Variants in ELF1 observed in about 807,000 individuals in gnomAD.
ELF1 encodes ETS-related transcription factor Elf-1.
Under a neutral mutation model 59.9 loss-of-function variants are expected in ELF1, and 24 were observed. That is an observed-to-expected ratio of 0.40 (90% CI 0.29 to 0.56). ELF1 has a LOEUF of 0.56. Ranked by LOEUF, ELF1 falls within the 20% of genes least tolerant of loss-of-function variation. ELF1 has a pLI of 0.44. For missense variants in ELF1, 627 were observed against 742.2 expected (o/e 0.84, Z 1.80); for synonymous variants, 248 against 266.2 (o/e 0.93, Z 0.67).
intron 1 of ELF1, among the ~76,000 whole-genome samples, chr13:41,005,834 A>T (rs967041188): frequency 6.8e-6 from 1 of 147,578 alleles, no homozygotes; most frequent in Non-Finnish European, 1.5e-5. Context: ...AATCCTTAAG[A>T]ATGAATTCAA....
chr13:40,954,385 A>C (rs1267767119), intron 3 of ELF1, among the ~76,000 whole-genome samples: 5 of 144,414 alleles, frequency 3.5e-5, no homozygotes, highest in Non-Finnish European at 4.6e-5. Context: ...ACAGTGAATG[A>C]GTTCTCATGA....
At position 41,035,727 on chromosome 13, in the gene ELF1, G is replaced by GA. The variant is rs11366083; in HGVS notation, c.-229+25110dup. Among the ~76,000 whole-genome samples the GA allele has an allele frequency of 4.8e-3, 480 of 99,978 alleles. 7 individuals carry two copies. In the East Asian group the frequency reaches 0.074, roughly 15 times the overall value. 65.6% of individuals were successfully genotyped at this position (99,978 alleles called of 152,430 possible). On this transcript the variant is annotated intron_variant, in intron 1 of 1. Coordinates refer to the ELF1 transcript ENST00000405737. ...ACAGAGATGAGGAAAAGAACAAAAA[G>GA]AAAAAAAAAAAAAAAGGAAAACTCC...
intron 3 of ELF1, among the ~76,000 whole-genome samples, chr13:40,956,190 A>T (rs1266670190): frequency 6.6e-6 from 1 of 151,036 alleles, no homozygotes; most frequent in East Asian, 2.0e-4. Flanking sequence ...GTGTAGAAAG[A>T]GGTAGACGTG....
chr13:41,037,108 T>A (rs903184675), intron 1 of ELF1, among the ~76,000 whole-genome samples: 1 of 150,410 alleles, frequency 6.6e-6, no homozygotes, highest in Non-Finnish European at 1.5e-5. Flanking sequence ...TATAATAAAA[T>A]ATATATATAT....
chr13:41,061,233 A>AGGC, exon 1 of ELF1: 1 of 233,808 alleles, frequency 4.3e-6, no homozygotes, highest in South Asian at 5.7e-5. Context: ...TTCCGGGCGG[A>AGGC]GGCGGCGCGC....
rs371209025 is a variant in ELF1 at position 41,015,918 on chromosome 13, G to C, written c.-229+3310C>G. ...TGGTACTTTGTCAAAGGTTGAAAAA[G>C]ACAGAAAAACAGAATAAAACCTTTC... On this transcript the variant is annotated intron_variant, in intron 1 of 8. Transcript: ENST00000239882. 7.9e-4 allele frequency among the ~76,000 whole-genome samples: 117 copies of C among 147,700 alleles called. 2 individuals are homozygous for C. In the South Asian group the frequency reaches 0.025, roughly 32 times the overall value.
chr13:40,933,162 T>C lies in ELF1; in HGVS notation c.*263A>G. On this transcript the variant is annotated 3_prime_UTR_variant, in exon 9 of 9. Transcript: ENST00000239882. ...AAAGAAACTTTAAAAATGCTTATGATATAGCAACTGAAATAAAAATCTCAA... is the reference window on the plus strand; with the variant it reads ...AAAGAAACTTTAAAAATGCTTATGACATAGCAACTGAAATAAAAATCTCAA... The C allele has an allele frequency of 5.1e-6, 2 of 391,112 alleles. 1 individual carries two copies. Among genetic ancestry groups the C allele is most frequent in the Non-Finnish European group, 9.0e-6 (2 of 221,696 alleles). The allele number at this position is 391,112 out of a possible 1,614,324, so 24.2% of individuals were successfully genotyped here. A position where few individuals can be genotyped will look rare whatever the true frequency, so the allele number is the denominator to read the frequency against.
chr13:40,943,093 G>C lies in ELF1; in HGVS notation c.665C>G (p.Ala222Gly). Residue 222 changes from alanine (A) to glycine (G), a missense_variant, in exon 7 of 9, where the codon GCT becomes GGT. Physicochemically the swap from Ala to Gly is moderately conservative, Grantham distance 60. Transcript: ENST00000239882. ...CCACTTGATGTATTTAGGACAAGTAGCCTTGTCCTGGAGCAGTGCCAGTAA... is the reference window on the plus strand; with the variant it reads ...CCACTTGATGTATTTAGGACAAGTACCCTTGTCCTGGAGCAGTGCCAGTAA... ...EFLLALLQDK[A>G]TCPKYIKWTQ... is the part of the protein sequence containing the mutation. 6.2e-7 allele frequency: 1 copy of C among 1,602,578 alleles called. No individual in the cohort carries two copies. Among genetic ancestry groups the C allele is most frequent in the Non-Finnish European group, 8.5e-7 (1 of 1,173,232 alleles).
At chr13:41,048,679 C>A (rs752598699) in intron 1 of ELF1, among the ~76,000 whole-genome samples, 11 of 151,898 alleles carry the variant, frequency 7.2e-5, no homozygotes, top group Non-Finnish European at 1.6e-4. Context: ...TGCTAAAGTG[C>A]TGGGATTACA....
intron 1 of ELF1, among the ~76,000 whole-genome samples, chr13:41,032,406 C>T (rs1225186740): frequency 1.3e-5 from 2 of 151,846 alleles, no homozygotes; most frequent in Admixed American, 6.6e-5. Context: ...TTAGTAGCGA[C>T]AGGGTTTTAC....
At chr13:41,061,197 G>A (rs1165168640) in exon 1 of ELF1, 1 of 209,672 alleles carries the variant, frequency 4.8e-6, no homozygotes, top group Admixed American at 5.6e-5. Flanking sequence ...TGAGAGCGGA[G>A]ACGTCTCTGG....
intron 2 of ELF1, among the ~76,000 whole-genome samples, chr13:40,966,361 T>C (rs1395040200): frequency 2.0e-5 from 3 of 152,236 alleles, no homozygotes; most frequent in Non-Finnish European, 4.4e-5. Flanking sequence ...TTAGGATATA[T>C]GTTGAAAGCA....
chr13:40,953,215 A>T (rs1214500463), intron 3 of ELF1, among the ~76,000 whole-genome samples: 3 of 152,074 alleles, frequency 2.0e-5, no homozygotes, highest in African/African-American at 7.3e-5. Flanking sequence ...ACCTCAGGTG[A>T]TCTGCCCGCC....
chr13:40,998,515 C>A (rs958634808), intron 1 of ELF1, among the ~76,000 whole-genome samples: 7 of 152,068 alleles, frequency 4.6e-5, no homozygotes, highest in African/African-American at 1.7e-4. Context: ...ACCTAATGAT[C>A]CATTTCTCAG....
intron 2 of ELF1, among the ~76,000 whole-genome samples, chr13:40,965,274 A>C (rs1159777313): frequency 6.6e-6 from 1 of 152,208 alleles, no homozygotes; most frequent in Non-Finnish European, 1.5e-5. Context: ...GCAGATATTC[A>C]TAAAATAGCC....
chr13:40,943,224 A>G (rs1035450596), intron 6 of ELF1, 80 bp from the exon 7 acceptor site: 13 of 1,231,870 alleles, frequency 1.1e-5, no homozygotes, highest in African/African-American at 1.5e-5. Flanking sequence ...AAAGTCTTAG[A>G]AGTGCCATTT....
chr13:40,972,126 G>C (rs535151876), intron 2 of ELF1, among the ~76,000 whole-genome samples: 2 of 152,096 alleles, frequency 1.3e-5, no homozygotes, highest in Non-Finnish European at 2.9e-5. Flanking sequence ...GCTATGAAAA[G>C]ATGGACTTTG....
At chr13:41,015,930 GAAT>G (rs68184164) in intron 1 of ELF1, among the ~76,000 whole-genome samples, 20,231 of 152,032 alleles carry the variant, frequency 0.13, 1,928 homozygotes, top group East Asian at 0.32. Flanking sequence ...CAGAAAAACA[GAAT>G]AAAACCTTTC....
chr13:41,008,571 T>TA (rs530475968), intron 1 of ELF1, among the ~76,000 whole-genome samples: 50 of 145,838 alleles, frequency 3.4e-4, no homozygotes, highest in East Asian at 2.2e-3. Context: ...TTGCTTAGGT[T>TA]AAAAAAAAAA....
Sources: allele counts gnomAD v4.1 joint callset (sites outside exome capture counted in the v4.1 genomes callset), GRCh38; gene constraint gnomAD v4.1.1; transcripts MANE v1.5; gene names NCBI Gene and HGNC (gene_info 2026-07-23, HGNC 2026-07-21).